The following SOX5 variants were observed in gnomAD, a reference collection of about 807,000 sequenced individuals.
SOX5 encodes the protein SRY-box transcription factor 5.
SOX5 carries 9 observed loss-of-function variants against 92.0 expected under a neutral mutation model. The observed-to-expected ratio is 0.10, with a 90% CI of 0.06 to 0.17. SOX5 has a LOEUF of 0.17. Ranked by LOEUF, SOX5 falls within the 10% of genes least tolerant of loss-of-function variation. SOX5 has a pLI of 1.00. For synonymous variants in SOX5, 344 were observed against 336.3 expected (o/e 1.02, Z -0.25); for missense variants, 642 against 944.5 (o/e 0.68, Z 4.20).
At chr12:24,210,249 T>C (rs910451342) in intron 4 of SOX5, among the ~76,000 whole-genome samples, 1 of 152,158 alleles carries the variant, frequency 6.6e-6, no homozygotes, top group African/African-American at 2.4e-5. Context: ...GTACAATGGC[T>C]TGACAAATGT....
At chr12:24,539,771 C>T (rs908952949) in intron 1 of SOX5, among the ~76,000 whole-genome samples, 4 of 152,030 alleles carry the variant, frequency 2.6e-5, no homozygotes, top group Non-Finnish European at 5.9e-5. Flanking sequence ...TTTCTGGATA[C>T]GTATATTAAT....
chr12:23,637,331 CAA>C (rs2079393716), intron 8 of SOX5, among the ~76,000 whole-genome samples: 1 of 152,070 alleles, frequency 6.6e-6, no homozygotes, highest in South Asian at 2.1e-4. Flanking sequence ...ACAGATTAAA[CAA>C]AAACAGAAAA....
intron 2 of SOX5, among the ~76,000 whole-genome samples, chr12:23,866,175 A>G (rs2096810633): frequency 6.6e-6 from 1 of 152,238 alleles, no homozygotes; most frequent in Non-Finnish European, 1.5e-5. Context: ...TTACATACAC[A>G]TGTACACTAT....
At chr12:23,610,399 C>A (rs2075804348) in intron 8 of SOX5, among the ~76,000 whole-genome samples, 1 of 152,102 alleles carries the variant, frequency 6.6e-6, no homozygotes, top group South Asian at 2.1e-4. Context: ...ACAAAAATAT[C>A]TATCAAGATT....
At chr12:24,176,540 A>G (rs7964049) in intron 4 of SOX5, among the ~76,000 whole-genome samples, 18,794 of 152,216 alleles carry the variant, frequency 0.12, 1,243 homozygotes, top group Admixed American at 0.16. Context: ...GCTGTGGTTT[A>G]AGAAGCCCGC....
chr12:23,938,239 T>C (rs1401415840), intron 1 of SOX5, among the ~76,000 whole-genome samples: 1 of 150,896 alleles, frequency 6.6e-6, no homozygotes, highest in Non-Finnish European at 1.5e-5. Context: ...AAAATAAGGG[T>C]TCTGTTTCTT....
intron 3 of SOX5, among the ~76,000 whole-genome samples, chr12:23,838,276 A>G (rs531330070): frequency 6.7e-6 from 1 of 149,536 alleles, no homozygotes; most frequent in African/African-American, 2.5e-5. Flanking sequence ...TTATGATACA[A>G]TTTTTGCTTT....
intron 1 of SOX5, among the ~76,000 whole-genome samples, chr12:23,925,108 A>G (rs1420156393): frequency 3.3e-5 from 5 of 152,116 alleles, no homozygotes; most frequent in Non-Finnish European, 5.9e-5. Flanking sequence ...ATGAGATTTT[A>G]TAACTATCCT....
At chr12:23,759,603 C>T (rs1004126099) in intron 3 of SOX5, among the ~76,000 whole-genome samples, 4 of 151,972 alleles carry the variant, frequency 2.6e-5, no homozygotes, top group Admixed American at 2.0e-4. Context: ...AATGAATGGA[C>T]ATGTAGCAGT....
At chr12:24,049,503 A>C (rs761285581) in intron 4 of SOX5, among the ~76,000 whole-genome samples, 1 of 152,174 alleles carries the variant, frequency 6.6e-6, no homozygotes, top group Non-Finnish European at 1.5e-5. Flanking sequence ...ATTCCAATGA[A>C]CATGGCAAAT....
intron 4 of SOX5, among the ~76,000 whole-genome samples, chr12:24,115,957 A>G (rs1343588584): frequency 6.6e-6 from 1 of 152,192 alleles, no homozygotes; most frequent in Non-Finnish European, 1.5e-5. Context: ...GGATGCTAAT[A>G]TCTTCCTGTA....
At chr12:24,228,739 C>T (rs1407060841) in intron 3 of SOX5, among the ~76,000 whole-genome samples, 1 of 152,034 alleles carries the variant, frequency 6.6e-6, no homozygotes, top group Admixed American at 6.6e-5. Flanking sequence ...ATTGAAGCAC[C>T]CTGAATATTT....
chr12:23,779,955 CTGTGTGTGTGTGTG>C (rs10686652), intron 3 of SOX5, among the ~76,000 whole-genome samples: 1 of 136,530 alleles, frequency 7.3e-6, no homozygotes, highest in Non-Finnish European at 1.6e-5. Flanking sequence ...CACAGCGAGA[CTGTGTGTGTGTGTG>C]TGTGTGTGTG....
chr12:23,918,473 C>T (rs537048914), intron 1 of SOX5, among the ~76,000 whole-genome samples: 1 of 152,084 alleles, frequency 6.6e-6, no homozygotes, highest in South Asian at 2.1e-4. Flanking sequence ...AAAATGAGAT[C>T]GAAAATTTTG....
intron 6 of SOX5, among the ~76,000 whole-genome samples, chr12:23,670,363 G>T (rs931246996): frequency 1.3e-5 from 2 of 152,154 alleles, no homozygotes; most frequent in African/African-American, 4.8e-5. Context: ...TTGATGAGAG[G>T]TGAGGAGAGA....
intron 7 of SOX5, among the ~76,000 whole-genome samples, chr12:23,657,112 T>C (rs2082400919): frequency 8.2e-6 from 1 of 121,616 alleles, no homozygotes; most frequent in South Asian, 2.7e-4. Context: ...TCGCCTGACT[T>C]TTCTCTTTTC....
intron 4 of SOX5, among the ~76,000 whole-genome samples, chr12:24,111,129 C>T (rs932274079): frequency 6.6e-6 from 1 of 151,812 alleles, no homozygotes; most frequent in African/African-American, 2.4e-5. Context: ...CTGGGAAAAG[C>T]AAAAATGTCT....
chr12:23,604,764 A>G (rs534770928), intron 8 of SOX5, among the ~76,000 whole-genome samples: 2 of 152,320 alleles, frequency 1.3e-5, no homozygotes, highest in East Asian at 3.9e-4. Context: ...CAAGGACTCA[A>G]AGCAAATAAG....
At chr12:24,373,202 A>C (rs1201531910) in intron 1 of SOX5, among the ~76,000 whole-genome samples, 1 of 152,202 alleles carries the variant, frequency 6.6e-6, no homozygotes, top group Non-Finnish European at 1.5e-5. Context: ...GATCATTGAA[A>C]AGGAATCTCT....
Sources: gnomAD v4.1 joint callset for allele counts (sites outside exome capture counted in the v4.1 genomes callset) on GRCh38, gnomAD v4.1.1 for gene constraint, MANE v1.5 for transcripts, NCBI Gene and HGNC (gene_info 2026-07-23, HGNC 2026-07-21) for gene names.